The following ZFPM1 variants were observed in gnomAD, a reference collection of about 807,000 sequenced individuals.
ZFPM1 encodes zinc finger protein, FOG family member 1.
Under a neutral mutation model 46.3 loss-of-function variants are expected in ZFPM1, and 28 were observed. The observed-to-expected ratio is 0.60, with a 90% CI of 0.45 to 0.83. ZFPM1 has a LOEUF of 0.83. ZFPM1 is among the 40% of genes least tolerant of loss of function. The pLI, the probability that ZFPM1 is intolerant of heterozygous loss-of-function variation, is 0.00. For missense variants in ZFPM1, 1,878 were observed against 1,432.4 expected (o/e 1.31, Z -5.02); for synonymous variants, 957 against 675.9 (o/e 1.42, Z -6.45).
intron 3 of ZFPM1, among the ~76,000 whole-genome samples, chr16:88,501,108 A>G (rs1039661594): frequency 2.8e-5 from 4 of 141,758 alleles, no homozygotes; most frequent in Admixed American, 1.4e-4. Flanking sequence ...GCTGGTGATG[A>G]TGGAGATAGC....
Position 88,531,896 on chromosome 16 carries a change from G to A in ZFPM1, c.713-106G>A, listed in dbSNP as rs1912811306. ...GTCAAAGCCTCAGCTCCTGGGGTGG[G>A]GAGGACGGTGGGGTCCGTCACGGCC... On this transcript the variant is annotated intron_variant, in intron 6 of 9. Transcript: ENST00000319555. 3.6e-6 allele frequency: 4 copies of A among 1,101,086 alleles called. No homozygotes were observed. In the South Asian group the frequency reaches 6.1e-5, roughly 17 times the overall value. 68.2% of individuals were successfully genotyped at this position (1,101,086 alleles called of 1,614,324 possible).
Position 88,533,257 on chromosome 16 carries a change from G to C in ZFPM1, c.1299G>C (p.Leu433=), listed in dbSNP as rs1226346862. 3.2e-6 allele frequency: 5 copies of C among 1,550,962 alleles called. No homozygotes were observed. The Admixed American group carries it at 9.5e-5, about 30-fold the overall frequency. ...TPSPGLDRKA[L]AEATNGEARA... ...CGCCAGGACTGGACAGAAAGGCCCTGGCCGAGGCCACCAACGGAGAGGCCA... is the reference window on the plus strand; with the variant it reads ...CGCCAGGACTGGACAGAAAGGCCCTCGCCGAGGCCACCAACGGAGAGGCCA... The change falls in exon 10 of 10, where the codon CTG becomes CTC. Residue 433 remains leucine (L), a synonymous_variant. Transcript: ENST00000319555.
In ZFPM1 at chr16:88,532,105, C is replaced by T. The variant is rs775475829; in HGVS notation, c.816C>T (p.Ser272=). Residue 272 remains serine (S), a synonymous_variant, in exon 7 of 10, where the codon TCC becomes TCT. Transcript: ENST00000319555. ...YYCASRQGTG[S]PAAAATDEKP... ...GCGCCAGCCGCCAGGGCACCGGCTCCCCGGCCGCAGCCGCCACAGACGAGA... is the reference window on the plus strand; with the variant it reads ...GCGCCAGCCGCCAGGGCACCGGCTCTCCGGCCGCAGCCGCCACAGACGAGA... 6.2e-7 allele frequency: 1 copy of T among 1,612,424 alleles called. No individual in the cohort carries two copies.
chr16:88,472,451 T>C (rs893841145), intron 1 of ZFPM1, among the ~76,000 whole-genome samples: 1 of 151,510 alleles, frequency 6.6e-6, no homozygotes, highest in Admixed American at 6.6e-5. Flanking sequence ...CCTCCCGGAT[T>C]CAAGATATTC....
At chr16:88,506,492 G>T (rs1485843741) in intron 3 of ZFPM1, among the ~76,000 whole-genome samples, 1 of 136,020 alleles carries the variant, frequency 7.4e-6, no homozygotes, top group African/African-American at 2.7e-5. Flanking sequence ...ATCCAGAAAG[G>T]ACTGAATGGG....
At chr16:88,523,437 C>T (rs926867737) in intron 4 of ZFPM1, among the ~76,000 whole-genome samples, 11 of 152,308 alleles carry the variant, frequency 7.2e-5, no homozygotes, top group East Asian at 5.8e-4. Context: ...GTCTCCTGGC[C>T]GCGGCCCCAG....
chr16:88,488,182 C>T (rs1006097759), intron 2 of ZFPM1, among the ~76,000 whole-genome samples: 3 of 152,168 alleles, frequency 2.0e-5, no homozygotes, highest in East Asian at 1.9e-4. Flanking sequence ...AGCTGCAGGG[C>T]GCCCTGATGG....
chr16:88,486,099 C>A, intron 2 of ZFPM1, 56 bp downstream of exon 2: 2 of 1,517,510 alleles, frequency 1.3e-6, no homozygotes, highest in South Asian at 1.2e-5. Context: ...CATTGCTTAC[C>A]CGTACCATGC....
chr16:88,534,326 G>T lies in ZFPM1; in HGVS notation c.2368G>T (p.Ala790Ser). Residue 790 changes from alanine to serine, a missense_variant, in exon 10 of 10, where the codon GCG (alanine) becomes TCG (serine). Ala to Ser is a moderately conservative substitution (Grantham distance 99, BLOSUM62 1). Coordinates refer to ENST00000319555, the MANE Select transcript of ZFPM1 (RefSeq NM_153813.3). ...GLAPARSPGPAADGPIDLSKK... is the reference protein window; with the variant it reads ...GLAPARSPGPSADGPIDLSKK... ...CGCCCCTGCGCGCTCGCCCGGCCCC[G>T]CGGCCGACGGCCCCATCGACCTGAG... 1 of 1,338,178 alleles carries T rather than the reference G, an allele frequency of 7.5e-7. No individual in the cohort carries two copies. Among genetic ancestry groups the T allele is most frequent in the South Asian group, 1.6e-5 (1 of 60,982 alleles). The allele number at this position is 1,338,178 out of a possible 1,614,324, so 82.9% of individuals were successfully genotyped here.
Position 88,464,287 on chromosome 16 carries a change from G to A in ZFPM1, c.40+10609G>A, listed in dbSNP as rs561752462. Among the ~76,000 whole-genome samples the A allele has an allele frequency of 3.9e-5, 6 of 152,344 alleles. No homozygotes were observed. In the South Asian group the frequency reaches 1.2e-3, roughly 32 times the overall value. On this transcript the variant is annotated intron_variant, in intron 1 of 9. Transcript: ENST00000319555. ...GAGACCCACAGGGGCAGGGCCCCCA[G>A]GTGCCCCCAGGCTGCCTGTTTATGA... is the stretch of plus-strand genomic sequence containing the variant.
At chr16:88,517,791 T>C (rs1225860590) in intron 4 of ZFPM1, among the ~76,000 whole-genome samples, 1 of 110,622 alleles carries the variant, frequency 9.0e-6, no homozygotes, top group African/African-American at 3.7e-5. Context: ...GATGAATGAA[T>C]GGGTGGGTGG....
chr16:88,507,741 G>C (rs547554432), intron 3 of ZFPM1, among the ~76,000 whole-genome samples: 24 of 152,192 alleles, frequency 1.6e-4, no homozygotes, highest in Admixed American at 2.0e-4. Flanking sequence ...CCCCTGCAGA[G>C]AGCCAGCTGC....
intron 1 of ZFPM1, among the ~76,000 whole-genome samples, chr16:88,459,805 C>A (rs990391682): frequency 7.6e-6 from 1 of 130,984 alleles, no homozygotes; most frequent in Non-Finnish European, 1.6e-5. Flanking sequence ...CTTCCTCCCC[C>A]TCTTCCCCTT....
intron 1 of ZFPM1, among the ~76,000 whole-genome samples, chr16:88,455,951 C>G (rs1185429232): frequency 6.6e-6 from 1 of 152,166 alleles, no homozygotes; most frequent in African/African-American, 2.4e-5. Flanking sequence ...AAGAGCCTGG[C>G]CGGTCGGCCC....
rs1243737724 is a variant in ZFPM1 at position 88,533,206 on chromosome 16, G to A, written c.1248G>A (p.Ala416=). ...HTALQGPLAS[A]DLGLAPTPSP... is the part of the protein sequence containing the mutation. ...CCCTGCAAGGCCCCCTGGCCTCCGC[G>A]GACCTGGGCCTGGCGCCCACCCCAT... Residue 416 remains alanine, a synonymous_variant, in exon 10 of 10, where the codon GCG becomes GCA. Transcript: ENST00000319555. 27 of 1,553,054 alleles carry A rather than the reference G, an allele frequency of 1.7e-5. No homozygotes were observed. The highest frequency in any genetic ancestry group is 2.2e-5 in the Non-Finnish European group (25 of 1,158,656).
chr16:88,505,882 G>T (rs1206550814), intron 3 of ZFPM1, among the ~76,000 whole-genome samples: 2 of 152,106 alleles, frequency 1.3e-5, no homozygotes, highest in Non-Finnish European at 2.9e-5. Context: ...GCCCCCCCAT[G>T]GGGCTTTCCA....
intron 3 of ZFPM1, among the ~76,000 whole-genome samples, chr16:88,494,439 G>C (rs559036681): frequency 6.6e-6 from 1 of 152,280 alleles, no homozygotes; most frequent in South Asian, 2.1e-4. Context: ...TCCAAAGCAG[G>C]ACGCCCGGCC....
At chr16:88,467,503 T>A (rs1354223118) in intron 1 of ZFPM1, among the ~76,000 whole-genome samples, 1 of 152,200 alleles carries the variant, frequency 6.6e-6, no homozygotes, top group East Asian at 1.9e-4. Flanking sequence ...TGCCTTTTCC[T>A]ATAAAATGGG....
chr16:88,513,626 G>A (rs1242334536), intron 3 of ZFPM1, among the ~76,000 whole-genome samples: 1 of 152,238 alleles, frequency 6.6e-6, no homozygotes, highest in Admixed American at 6.5e-5. Flanking sequence ...CCAGGAGGCA[G>A]GTGAGGGCCA....
Sources: gnomAD v4.1 joint callset for allele counts (sites outside exome capture counted in the v4.1 genomes callset) on GRCh38, gnomAD v4.1.1 for gene constraint, MANE v1.5 for transcripts, NCBI Gene and HGNC (gene_info 2026-07-23, HGNC 2026-07-21) for gene names.